PKHD1L1: variants seen among roughly 807,000 people sequenced by gnomAD.
PKHD1L1 encodes fibrocystin-L.
Under a neutral mutation model 462.9 loss-of-function variants are expected in PKHD1L1, and 434 were observed. That is an observed-to-expected ratio of 0.94 (90% CI 0.87 to 1.02). The LOEUF (loss-of-function observed/expected upper bound fraction) is 1.02, where lower values mean the gene tolerates loss of function less well. PKHD1L1 is among the 50% of genes least tolerant of loss of function. PKHD1L1 has a pLI of 0.00. For synonymous variants in PKHD1L1, 1,781 were observed against 1,750.0 expected (o/e 1.02, Z -0.44); for missense variants, 5,202 against 5,096.1 (o/e 1.02, Z -0.63).
chr8:109,447,586 A>T (rs1021759293), intron 38 of PKHD1L1, among the ~76,000 whole-genome samples: 3 of 152,250 alleles, frequency 2.0e-5, no homozygotes, highest in Non-Finnish European at 1.5e-5. Context: ...AGGCATTAAC[A>T]TCAACATTCA....
chr8:109,384,726 C>G (rs1201605342), intron 5 of PKHD1L1, among the ~76,000 whole-genome samples: 1 of 151,284 alleles, frequency 6.6e-6, no homozygotes, highest in Non-Finnish European at 1.5e-5. Flanking sequence ...CTTGACAATT[C>G]TAGGTACTAT....
chr8:109,383,150 T>C (rs1458268085), intron 4 of PKHD1L1, among the ~76,000 whole-genome samples: 1 of 64,306 alleles, frequency 1.6e-5, no homozygotes, highest in Admixed American at 2.8e-4. Context: ...GTATATATTA[T>C]ATATATTTAT....
At chr8:109,504,114 G>A (rs889585508) in intron 67 of PKHD1L1, among the ~76,000 whole-genome samples, 1 of 152,188 alleles carries the variant, frequency 6.6e-6, no homozygotes, top group African/African-American at 2.4e-5. Flanking sequence ...GCCAAGCCCG[G>A]AGAAAATATG....
chr8:109,511,014 C>A, intron 71 of PKHD1L1, 80 bp downstream of exon 71: 1 of 1,449,880 alleles, frequency 6.9e-7, no homozygotes, highest in Non-Finnish European at 9.4e-7. Context: ...TACCTCCTCC[C>A]CTGTTCTAAC....
intron 31 of PKHD1L1, 44 bp from the exon 32 acceptor site, chr8:109,438,853 C>T: frequency 7.2e-7 from 1 of 1,387,318 alleles, no homozygotes; most frequent in Non-Finnish European, 9.8e-7. Flanking sequence ...CACTGGATAA[C>T]AAGTTGAACT....
chr8:109,477,450 T>C, intron 53 of PKHD1L1, 54 bp downstream of exon 53: 1 of 1,449,424 alleles, frequency 6.9e-7, no homozygotes, highest in Non-Finnish European at 9.5e-7. Flanking sequence ...CATAATCCTT[T>C]TCACATGTCA....
chr8:109,504,880 G>C (rs189114238), intron 68 of PKHD1L1, among the ~76,000 whole-genome samples: 4 of 152,022 alleles, frequency 2.6e-5, no homozygotes, highest in Non-Finnish European at 5.9e-5. Flanking sequence ...TTGAGCCCAG[G>C]AGTTTGAGGA....
rs1371219499 is a variant in PKHD1L1 at position 109,362,610 on chromosome 8, G to C, written c.30G>C (p.Trp10Cys). 1 of 1,609,304 alleles carries C rather than the reference G, an allele frequency of 6.2e-7. No individual in the cohort carries two copies. The highest frequency in any genetic ancestry group is 1.1e-5 in the South Asian group (1 of 89,752). The change falls in exon 1 of 78, where the codon TGG (tryptophan) becomes TGC (cysteine). Residue 10 changes from tryptophan (W) to cysteine (C), a missense_variant. This residue lies in a region of PKHD1L1 where 4,497 missense variants were observed against 4,336.8 expected (regional missense o/e 1.04). Transcript: ENST00000378402. ...GACACCTGTGGCTCCTGGGTATTTGGGGCCTCTGTGGGCTGCTCCTGTGTG... is the reference window on the plus strand; with the variant it reads ...GACACCTGTGGCTCCTGGGTATTTGCGGCCTCTGTGGGCTGCTCCTGTGTG... The part of the protein sequence containing the change: MGHLWLLGI[W>C]GLCGLLLCAA...
intron 1 of PKHD1L1, among the ~76,000 whole-genome samples, chr8:109,363,508 G>T (rs1811084401): frequency 6.6e-6 from 1 of 152,096 alleles, no homozygotes; most frequent in Non-Finnish European, 1.5e-5. Flanking sequence ...TCCATTTTGA[G>T]AAATTAATAA....
At position 109,505,823 on chromosome 8, in the gene PKHD1L1, T is replaced by C. The variant is rs563521905; in HGVS notation, c.10994+1331T>C. Among the ~76,000 whole-genome samples the C allele has an allele frequency of 4.9e-4, 75 of 152,294 alleles. 1 individual carries two copies. The highest frequency in any genetic ancestry group is 3.4e-3 in the Middle Eastern group (1 of 294). ...AGGAGGCTGAGGCAGGAGGATTGCT[T>C]GAGCCCAGGAGGTTGAGGCTGCAGT... On this transcript the variant is annotated intron_variant, in intron 68 of 77. Transcript: ENST00000378402.
At position 109,491,941 on chromosome 8, in the gene PKHD1L1, AC is replaced by A; in HGVS notation, c.10185del (p.Tyr3396IlefsTer7). On this transcript the variant is annotated frameshift_variant, in exon 62 of 78. Coordinates refer to ENST00000378402, the MANE Select transcript of PKHD1L1 (RefSeq NM_177531.6). LOFTEE classifies it high-confidence loss of function. Reference protein sequence around the residue: ...NLIALSVWPGTYQNRKDLSST... With the variant: ...NLIALSVWPGXYQNRKDLSST... ...GATTGCACTTTCGGTTTGGCCAGGAACCTATCAGAACAGAAAAGATTTAAGT... is the reference window on the plus strand; with the variant it reads ...GATTGCACTTTCGGTTTGGCCAGGAACTATCAGAACAGAAAAGATTTAAGT... 6.3e-7 allele frequency: 1 copy of A among 1,599,672 alleles called. No individual in the cohort carries two copies. The highest frequency in any genetic ancestry group is 8.5e-7 in the Non-Finnish European group (1 of 1,170,914).
In PKHD1L1 at chr8:109,493,657, C is replaced by T. The variant is rs2607628; in HGVS notation, c.10237-4C>T. 0.39 allele frequency: 603,821 copies of T among 1,568,278 alleles called. 119,711 individuals carry two copies. Among genetic ancestry groups the T allele is most frequent in the South Asian group, 0.56 (48,445 of 85,950 alleles). On this transcript the variant is annotated splice_polypyrimidine_tract_variant and splice_region_variant and intron_variant, in intron 62 of 77. Transcript: ENST00000378402. ...ACAGTATTTTTTTTTAATCATTGCA[C>T]TAGATAAATAGAGGGACCAATACAG... is the stretch of plus-strand genomic sequence containing the variant.
intron 28 of PKHD1L1, 27 bp from the exon 29 acceptor site, chr8:109,435,163 T>C: frequency 1.2e-6 from 2 of 1,610,660 alleles, no homozygotes; most frequent in Non-Finnish European, 1.7e-6. Context: ...TTTACCATTT[T>C]CTTCATCTTT....
Position 109,420,569 on chromosome 8 carries a change from A to G in PKHD1L1, c.2576A>G (p.Glu859Gly). Reference sequence around the variant, plus strand: ...TTAGCAAATAAAGGAATATTCTTAGAGCACTTTCAGGTGAATCAGACCAAA... The same window carrying G: ...TTAGCAAATAAAGGAATATTCTTAGGGCACTTTCAGGTGAATCAGACCAAA... ...PALANKGIFL[E>G]HFQVNQTKTN... Residue 859 changes from glutamate to glycine, a missense_variant, in exon 23 of 78, where the codon GAG becomes GGG. Physicochemically the swap from Glu to Gly is moderately conservative, Grantham distance 98 (BLOSUM62 -2). This residue lies in a region of PKHD1L1 where 4,497 missense variants were observed against 4,336.8 expected (regional missense o/e 1.04). Transcript: ENST00000378402. The G allele has an allele frequency of 1.2e-6, 2 of 1,609,334 alleles. No homozygotes were observed. Among genetic ancestry groups the G allele is most frequent in the Non-Finnish European group, 1.7e-6 (2 of 1,178,094 alleles).
chr8:109,421,645 G>A (rs1027515538), intron 23 of PKHD1L1, among the ~76,000 whole-genome samples: 39 of 152,174 alleles, frequency 2.6e-4, no homozygotes, highest in African/African-American at 7.5e-4. Context: ...TTAGCCGGGC[G>A]TGGTGGCGGG....
chr8:109,473,167 A>C (rs1011570751), intron 50 of PKHD1L1, among the ~76,000 whole-genome samples: 2 of 152,202 alleles, frequency 1.3e-5, no homozygotes, highest in African/African-American at 4.8e-5. Flanking sequence ...TTCACTTGTG[A>C]AACTGAATTA....
intron 27 of PKHD1L1, among the ~76,000 whole-genome samples, chr8:109,432,268 C>T (rs1815150364): frequency 1.3e-5 from 2 of 152,060 alleles, no homozygotes; most frequent in Admixed American, 6.6e-5. Context: ...AGATTTAAGT[C>T]ATTGATTTAT....
At chr8:109,374,568 G>T (rs948231471) in intron 2 of PKHD1L1, among the ~76,000 whole-genome samples, 1 of 152,144 alleles carries the variant, frequency 6.6e-6, no homozygotes, top group African/African-American at 2.4e-5. Context: ...GATTTTGCTG[G>T]TTAGTTGATG....
At chr8:109,440,908 A>T in intron 33 of PKHD1L1, 56 bp downstream of exon 33, 4 of 1,547,774 alleles carry the variant, frequency 2.6e-6, no homozygotes, top group Non-Finnish European at 3.5e-6. Context: ...TAAAGGATAT[A>T]CTACAGGTGC....
Sources: allele counts gnomAD v4.1 joint callset (sites outside exome capture counted in the v4.1 genomes callset), GRCh38; gene constraint gnomAD v4.1.1; regional missense constraint gnomAD v4.1.1; transcripts MANE v1.5; gene names NCBI Gene and HGNC (gene_info 2026-07-23, HGNC 2026-07-21).